NRXN1: variants seen among roughly 807,000 people sequenced by gnomAD.
The protein encoded by NRXN1 is neurexin 1.
A neutral mutation model predicts 150.9 loss-of-function variants in NRXN1; 39 were observed. That is an observed-to-expected ratio of 0.26 (90% CI 0.20 to 0.34). The LOEUF (loss-of-function observed/expected upper bound fraction) is 0.34. Among genes scored for constraint, NRXN1 ranks in the 10% least tolerant of loss-of-function variants. The probability of loss-of-function intolerance (pLI) is 1.00; values close to 1 mark genes in which losing one functional copy is unlikely to be tolerated. For missense variants in NRXN1, 1,815 were observed against 1,949.9 expected, an observed-to-expected ratio of 0.93 and a Z score of 1.30; for synonymous variants, 924 against 757.0, an observed-to-expected ratio of 1.22 and a Z score of -3.62.
chr2:50,884,259 T>C (rs991402341), intron 5 of NRXN1, among the ~76,000 whole-genome samples: 5 of 151,828 alleles, frequency 3.3e-5, no homozygotes, highest in Non-Finnish European at 7.4e-5. Context: ...GTTTGGTAAA[T>C]GTTATTTTCT....
intron 5 of NRXN1, among the ~76,000 whole-genome samples, chr2:50,738,414 C>A (rs1480982045): frequency 1.3e-5 from 2 of 152,156 alleles, no homozygotes; most frequent in Admixed American, 6.6e-5. Context: ...TTAAACAATA[C>A]AGACTCATTT....
At chr2:50,605,469 A>G (rs1019326103) in intron 8 of NRXN1, among the ~76,000 whole-genome samples, 1 of 152,194 alleles carries the variant, frequency 6.6e-6, no homozygotes, top group Non-Finnish European at 1.5e-5. Flanking sequence ...AAAATGGGCT[A>G]CGGACTTGAA....
chr2:50,841,752 A>T (rs1204132533), intron 5 of NRXN1, among the ~76,000 whole-genome samples: 2 of 152,174 alleles, frequency 1.3e-5, no homozygotes, highest in East Asian at 3.8e-4. Flanking sequence ...AAAGTGTTTC[A>T]CGAGAAATTG....
chr2:50,741,802 C>A (rs1007524514), intron 5 of NRXN1, among the ~76,000 whole-genome samples: 1 of 152,116 alleles, frequency 6.6e-6, no homozygotes, highest in African/African-American at 2.4e-5. Flanking sequence ...TAGTATGGAA[C>A]CCTAACCCTA....
At chr2:50,100,542 C>G (rs1230668703) in intron 18 of NRXN1, among the ~76,000 whole-genome samples, 1 of 151,940 alleles carries the variant, frequency 6.6e-6, no homozygotes, top group Non-Finnish European at 1.5e-5. Flanking sequence ...CTAATAAAGC[C>G]AATACTGGAT....
At chr2:50,132,856 CT>C (rs70946891) in intron 18 of NRXN1, among the ~76,000 whole-genome samples, 58,158 of 142,338 alleles carry the variant, frequency 0.41, 11,908 homozygotes, top group Middle Eastern at 0.51. Context: ...GATTTAGGGT[CT>C]TTTTTTTTTT....
chr2:50,688,495 CAG>C (rs1395398823), intron 5 of NRXN1, among the ~76,000 whole-genome samples: 1 of 152,122 alleles, frequency 6.6e-6, no homozygotes, highest in Non-Finnish European at 1.5e-5. Context: ...CTCTCTAAAA[CAG>C]AGTGGTGCAG....
chr2:50,633,831 C>A (rs1302310659), intron 5 of NRXN1, among the ~76,000 whole-genome samples: 1 of 152,022 alleles, frequency 6.6e-6, no homozygotes, highest in Non-Finnish European at 1.5e-5. Context: ...ATAAGTGAGT[C>A]AAGTATAAGT....
At chr2:50,131,537 T>G (rs13008902) in intron 18 of NRXN1, among the ~76,000 whole-genome samples, 56,043 of 151,988 alleles carry the variant, frequency 0.37, 10,649 homozygotes, top group African/African-American at 0.42. Context: ...CTCTGTGATC[T>G]CCAAAGAGCT....
intron 12 of NRXN1, among the ~76,000 whole-genome samples, chr2:50,512,158 G>A (rs2092474872): frequency 6.6e-6 from 1 of 152,062 alleles, no homozygotes; most frequent in Admixed American, 6.5e-5. Flanking sequence ...GCGGCTACAT[G>A]AAAGAGTGCA....
intron 5 of NRXN1, chr2:50,919,932 T>C: frequency 3.3e-6 from 1 of 298,516 alleles, no homozygotes; most frequent in Non-Finnish European, 7.6e-6. Context: ...TTCCTTGTTA[T>C]ATGAACACTC....
At chr2:50,865,926 C>A (rs1250029791) in intron 5 of NRXN1, among the ~76,000 whole-genome samples, 3 of 151,312 alleles carry the variant, frequency 2.0e-5, no homozygotes, top group African/African-American at 7.3e-5. Context: ...TAAATAAAGT[C>A]TCAGACCTTG....
intron 2 of NRXN1, among the ~76,000 whole-genome samples, chr2:50,985,962 GA>G (rs1697633596): frequency 6.6e-6 from 1 of 151,522 alleles, no homozygotes; most frequent in South Asian, 2.1e-4. Flanking sequence ...GATATAAACA[GA>G]AAAACACTAC....
chr2:50,219,448 T>G (rs2063643892), intron 18 of NRXN1, among the ~76,000 whole-genome samples: 1 of 151,834 alleles, frequency 6.6e-6, no homozygotes, highest in African/African-American at 2.4e-5. Context: ...AAAAAGGCCC[T>G]ATGAGGTTAG....
chr2:49,964,390 G>A (rs1169959052), intron 21 of NRXN1, among the ~76,000 whole-genome samples: 1 of 149,612 alleles, frequency 6.7e-6, no homozygotes, highest in Non-Finnish European at 1.5e-5. Flanking sequence ...GACCAGACTG[G>A]CAACATGGTG....
chr2:50,262,597 G>A (rs554492168), intron 17 of NRXN1, among the ~76,000 whole-genome samples: 1 of 152,090 alleles, frequency 6.6e-6, no homozygotes, highest in African/African-American at 2.4e-5. Flanking sequence ...ATCATTCCAA[G>A]CTGAAATTCT....
At chr2:50,565,169 G>A (rs536927618) in intron 8 of NRXN1, among the ~76,000 whole-genome samples, 3 of 152,152 alleles carry the variant, frequency 2.0e-5, no homozygotes, top group African/African-American at 7.2e-5. Context: ...AATGGAAGGG[G>A]AAAATGCGTC....
intron 5 of NRXN1, among the ~76,000 whole-genome samples, chr2:50,857,564 A>G (rs1287641559): frequency 6.6e-6 from 1 of 152,106 alleles, no homozygotes; most frequent in Non-Finnish European, 1.5e-5. Flanking sequence ...TTTTCGAAGT[A>G]TATACTCAGA....
At chr2:50,779,017 A>G (rs1239416066) in intron 5 of NRXN1, among the ~76,000 whole-genome samples, 1 of 151,780 alleles carries the variant, frequency 6.6e-6, no homozygotes, top group African/African-American at 2.4e-5. Context: ...ATACATCTAC[A>G]TTTTTTTTCT....
Sources: allele counts gnomAD v4.1 joint callset (sites outside exome capture counted in the v4.1 genomes callset), GRCh38; gene constraint gnomAD v4.1.1; transcripts MANE v1.5; gene names NCBI Gene and HGNC (gene_info 2026-07-23, HGNC 2026-07-21).